LRRC36: variants seen among roughly 807,000 people sequenced by gnomAD.
The protein encoded by LRRC36 is leucine-rich repeat-containing protein 36.
LRRC36 carries 62 observed loss-of-function variants against 81.1 expected under a neutral mutation model. The observed-to-expected ratio is 0.76, with a 90% confidence interval of 0.62 to 0.94. LRRC36 has a LOEUF of 0.94. LRRC36 is among the 40% of genes least tolerant of loss of function. LRRC36 has a pLI of 0.00. For synonymous variants in LRRC36, 334 were observed against 348.6 expected (o/e 0.96, Z 0.47); for missense variants, 761 against 881.7 (o/e 0.86, Z 1.73).
intron 5 of LRRC36, among the ~76,000 whole-genome samples, chr16:67,353,109 A>G (rs1414712565): frequency 2.0e-5 from 3 of 152,128 alleles, no homozygotes; most frequent in African/African-American, 7.2e-5. Flanking sequence ...CCAACTTGTA[A>G]TATACACTTG....
chr16:67,341,476 G>A (rs948424619), intron 1 of LRRC36, among the ~76,000 whole-genome samples: 1 of 151,606 alleles, frequency 6.6e-6, no homozygotes, highest in Non-Finnish European at 1.5e-5. Flanking sequence ...GTAGTATATT[G>A]TCTTTCGTAT....
At chr16:67,332,898 T>A (rs577239839) in intron 1 of LRRC36, among the ~76,000 whole-genome samples, 2 of 151,480 alleles carry the variant, frequency 1.3e-5, no homozygotes, top group East Asian at 3.9e-4. Flanking sequence ...ATTTATTTAT[T>A]TTTTTTTAAA....
chr16:67,360,631 C>G (rs563031855), intron 5 of LRRC36, among the ~76,000 whole-genome samples: 3 of 152,158 alleles, frequency 2.0e-5, no homozygotes, highest in Admixed American at 1.3e-4. Flanking sequence ...GTAGTTCTGT[C>G]GAGTCCAGTG....
intron 1 of LRRC36, 162 bp downstream of exon 1, chr16:67,327,094 G>C (rs1053646566): frequency 6.8e-5 from 42 of 617,770 alleles, no homozygotes; most frequent in Non-Finnish European, 1.0e-4. Flanking sequence ...CAGAAGGTTA[G>C]AGGGAGGTGG....
intron 10 of LRRC36, 107 bp downstream of exon 10, chr16:67,375,519 C>T (rs531161921): frequency 2.3e-6 from 2 of 867,742 alleles, no homozygotes; most frequent in East Asian, 2.8e-5. Context: ...AAGTTGTTCT[C>T]ATGATCACAT....
chr16:67,345,803 C>A (rs1030359946), intron 2 of LRRC36, among the ~76,000 whole-genome samples: 1 of 151,668 alleles, frequency 6.6e-6, no homozygotes, highest in African/African-American at 2.4e-5. Flanking sequence ...TTTAACCATG[C>A]CCCTTTCCCC....
At chr16:67,332,421 G>T (rs2037538750) in intron 1 of LRRC36, among the ~76,000 whole-genome samples, 1 of 152,132 alleles carries the variant, frequency 6.6e-6, no homozygotes. Context: ...GGGCATGGTG[G>T]TGGGCGCCTG....
intron 11 of LRRC36, among the ~76,000 whole-genome samples, chr16:67,377,898 G>A (rs979822701): frequency 2.0e-5 from 3 of 152,190 alleles, no homozygotes; most frequent in African/African-American, 7.2e-5. Flanking sequence ...CTCCCAAAGT[G>A]CTGCAATTAC....
At chr16:67,337,374 T>C (rs990391050) in intron 1 of LRRC36, among the ~76,000 whole-genome samples, 6 of 151,100 alleles carry the variant, frequency 4.0e-5, no homozygotes, top group Non-Finnish European at 7.4e-5. Flanking sequence ...TTCTTTCTTT[T>C]TTTTTTTTTT....
Position 67,367,279 on chromosome 16 carries a change from A to G in LRRC36, c.1017A>G (p.Gln339=). The change falls in exon 8 of 14, where the codon CAA becomes CAG. Residue 339 remains glutamine (Q), a synonymous_variant. Coordinates refer to ENST00000329956, the MANE Select transcript of LRRC36 (RefSeq NM_018296.6). ...AAAATTATGACAGTTGTTATTCTCA[A>G]ACTCTATCCCTGCATGGAAGTCTTG... The part of the protein sequence containing the change: ...GLENYDSCYS[Q]TLSLHGSLGK... The G allele has an allele frequency of 6.2e-7, 1 of 1,614,198 alleles. No homozygotes were observed.
chr16:67,375,221 GT>G (rs760522273), intron 9 of LRRC36, 25 bp from the exon 10 acceptor site: 4 of 1,602,310 alleles, frequency 2.5e-6, no homozygotes, highest in Middle Eastern at 1.7e-4. Context: ...TTGTTTGTTT[GT>G]TTTTGCTTTT....
intron 6 of LRRC36, 31 bp from the exon 7 acceptor site, chr16:67,365,272 TC>T (rs750719565): frequency 5.2e-6 from 8 of 1,533,448 alleles, no homozygotes; most frequent in Non-Finnish European, 6.3e-6. Flanking sequence ...CGCATGGACT[TC>T]CTTCTACCTA....
Position 67,357,185 on chromosome 16 carries a change from T to G in LRRC36, c.578-6405T>G, listed in dbSNP as rs79970372. Among the ~76,000 whole-genome samples, 961 of 152,302 alleles carry G rather than the reference T, an allele frequency of 6.3e-3. 8 individuals carry two copies. The highest frequency in any genetic ancestry group is 0.022 in the African/African-American group (898 of 41,550). On this transcript the variant is annotated intron_variant, in intron 5 of 13. Coordinates refer to ENST00000329956, the MANE Select transcript of LRRC36 (RefSeq NM_018296.6). The stretch of plus-strand genomic sequence containing the variant: ...TATTTTTACCTGCAGTGTTTTGCTA[T>G]ATAGTTCAAACTTCAGAAGAATGGA...
At chr16:67,376,965 C>G in intron 11 of LRRC36, 93 bp downstream of exon 11, 1 of 1,314,784 alleles carries the variant, frequency 7.6e-7, no homozygotes. Flanking sequence ...AACACCTAAC[C>G]AAAATATGGC....
intron 12 of LRRC36, among the ~76,000 whole-genome samples, chr16:67,379,533 A>G (rs999900431): frequency 9.9e-5 from 15 of 152,168 alleles, no homozygotes; most frequent in African/African-American, 3.6e-4. Context: ...CCTGGCCAAC[A>G]TGGTGAAACC....
chr16:67,367,448 C>CTTA lies in LRRC36; in HGVS notation c.1187_1189dup (p.Leu396_Ser397insIle). 5 of 1,610,102 alleles carry CTTA rather than the reference C, an allele frequency of 3.1e-6. No individual in the cohort carries two copies. The highest frequency in any genetic ancestry group is 4.2e-6 in the Non-Finnish European group (5 of 1,177,898). On this transcript the variant is annotated inframe_insertion, in exon 8 of 14. Transcript: ENST00000329956. ...CTCCAGCACTGGAAGGCTTTTGAAG[C>CTTA]TTAGTTCAGGTAACAGCTTCCTGTC...
chr16:67,365,095 T>G, intron 6 of LRRC36: 1 of 518,436 alleles, frequency 1.9e-6, no homozygotes, highest in South Asian at 3.1e-5. Flanking sequence ...CTTTACTTCC[T>G]AAGGATATTC....
intron 4 of LRRC36, 21 bp from the exon 5 acceptor site, chr16:67,350,181 A>G: frequency 1.3e-6 from 2 of 1,534,492 alleles, no homozygotes; most frequent in Middle Eastern, 1.7e-4. Context: ...TGAGTTGTAA[A>G]TAAATTATTC....
intron 1 of LRRC36, among the ~76,000 whole-genome samples, chr16:67,336,918 C>T (rs1370415165): frequency 3.3e-5 from 5 of 151,926 alleles, no homozygotes; most frequent in Non-Finnish European, 5.9e-5. Flanking sequence ...CTGGGCTGTG[C>T]CACCACACCC....
Sources: allele counts gnomAD v4.1 joint callset (sites outside exome capture counted in the v4.1 genomes callset), GRCh38; gene constraint gnomAD v4.1.1; transcripts MANE v1.5; gene names NCBI Gene and HGNC (gene_info 2026-07-23, HGNC 2026-07-21).